The following BMPR1A variants were observed in gnomAD, a reference collection of about 807,000 sequenced individuals.
BMPR1A encodes the protein bone morphogenetic protein receptor type 1A, also known as bone morphogenetic protein receptor type-1A.
In BMPR1A, 7 loss-of-function variants were observed where a neutral mutation model predicts 66.0. The ratio of observed to expected loss-of-function variants is 0.11; its 90% confidence interval spans 0.06 to 0.20. The LOEUF (loss-of-function observed/expected upper bound fraction) is 0.20, where lower values mean the gene tolerates loss of function less well. Among genes scored for constraint, BMPR1A ranks in the 10% least tolerant of loss-of-function variants. The pLI, the probability that BMPR1A is intolerant of heterozygous loss-of-function variation, is 1.00. For missense variants in BMPR1A, 408 were observed against 669.1 expected, an observed-to-expected ratio of 0.61 and a Z score of 4.31; for synonymous variants, 200 against 229.7, an observed-to-expected ratio of 0.87 and a Z score of 1.17.
intron 1 of BMPR1A, among the ~76,000 whole-genome samples, chr10:86,829,133 T>G (rs1481500483): frequency 6.6e-6 from 1 of 152,162 alleles, no homozygotes; most frequent in Non-Finnish European, 1.5e-5. Context: ...GGACTGCTGT[T>G]TTGTTTCTAG....
chr10:86,872,121 A>G (rs945834912), intron 2 of BMPR1A, among the ~76,000 whole-genome samples: 3 of 152,216 alleles, frequency 2.0e-5, no homozygotes, highest in African/African-American at 7.2e-5. Context: ...GCTCGTAGTC[A>G]GGGAAGATTT....
At chr10:86,786,128 G>A (rs895556904) in intron 1 of BMPR1A, among the ~76,000 whole-genome samples, 1 of 151,978 alleles carries the variant, frequency 6.6e-6, no homozygotes, top group African/African-American at 2.4e-5. Flanking sequence ...CAATTATTAC[G>A]GAATGAACTG....
intron 7 of BMPR1A, among the ~76,000 whole-genome samples, chr10:86,911,387 T>C (rs1843482387): frequency 6.6e-6 from 1 of 152,154 alleles, no homozygotes; most frequent in South Asian, 2.1e-4. Context: ...GATTATATAA[T>C]GAACGCCTAC....
intron 7 of BMPR1A, among the ~76,000 whole-genome samples, chr10:86,908,607 G>A (rs1158670053): frequency 6.6e-6 from 1 of 152,206 alleles, no homozygotes; most frequent in Non-Finnish European, 1.5e-5. Context: ...CTCCCCTGTA[G>A]CTTTCAGCTC....
In BMPR1A at chr10:86,917,131, A is replaced by C. The variant is rs587782760; in HGVS notation, c.676-3A>C. The C allele has an allele frequency of 8.0e-5, 129 of 1,613,784 alleles. No individual in the cohort carries two copies. The highest frequency in any genetic ancestry group is 1.1e-4 in the Non-Finnish European group (126 of 1,179,896). The stretch of plus-strand genomic sequence containing the variant: ...CTCAAACCTTTTACTTTTTTCTATA[A>C]AGGTTCAGCGAACTATTGCCAAACA... On this transcript the variant is annotated splice_region_variant and splice_polypyrimidine_tract_variant and intron_variant, in intron 8 of 12. Transcript: ENST00000372037.
intron 5 of BMPR1A, among the ~76,000 whole-genome samples, chr10:86,897,781 A>T (rs992028398): frequency 3.9e-5 from 6 of 152,002 alleles, no homozygotes; most frequent in African/African-American, 7.2e-5. Flanking sequence ...TGATTTAAAA[A>T]TTTTTTTAGA....
intron 3 of BMPR1A, chr10:86,889,782 T>C (rs1843121131): frequency 2.8e-6 from 1 of 355,376 alleles, no homozygotes. Context: ...AAAAACAAGA[T>C]TTGACTGTAT....
intron 1 of BMPR1A, among the ~76,000 whole-genome samples, chr10:86,767,835 A>G (rs1000626198): frequency 2.0e-5 from 3 of 152,158 alleles, no homozygotes; most frequent in African/African-American, 7.2e-5. Flanking sequence ...TTTTGCAAGC[A>G]GGGAAGATGG....
At chr10:86,800,590 A>G (rs1383550002) in intron 1 of BMPR1A, among the ~76,000 whole-genome samples, 1 of 152,004 alleles carries the variant, frequency 6.6e-6, no homozygotes, top group Non-Finnish European at 1.5e-5. Flanking sequence ...ACGGGATTTC[A>G]CCATGTTGGC....
At chr10:86,793,589 A>G (rs1841662881) in intron 1 of BMPR1A, among the ~76,000 whole-genome samples, 1 of 152,000 alleles carries the variant, frequency 6.6e-6, no homozygotes, top group Non-Finnish European at 1.5e-5. Flanking sequence ...GTCTCAGGTG[A>G]TCTGCCTGCC....
At chr10:86,848,843 C>T (rs1356019365) in intron 2 of BMPR1A, among the ~76,000 whole-genome samples, 2 of 152,212 alleles carry the variant, frequency 1.3e-5, no homozygotes, top group Admixed American at 6.5e-5. Flanking sequence ...CCTATGACAA[C>T]TGCATCTCTG....
At chr10:86,757,667 T>G (rs1016969930) in intron 1 of BMPR1A, among the ~76,000 whole-genome samples, 1 of 152,218 alleles carries the variant, frequency 6.6e-6, no homozygotes, top group African/African-American at 2.4e-5. Context: ...CTGCAGGTTT[T>G]CTCTTTTAAG....
rs1427176869 is a variant in BMPR1A, at chr10:86,861,223, A to ATATTTCATTCCCAAG, written c.-152-14643_-152-14629dup. Among the ~76,000 whole-genome samples the ATATTTCATTCCCAAG allele has an allele frequency of 2.0e-4, 30 of 152,348 alleles. No individual in the cohort carries two copies. The East Asian group carries it at 5.0e-3, about 25-fold the overall frequency. On this transcript the variant is annotated intron_variant, in intron 2 of 12. Coordinates refer to ENST00000372037, the MANE Select transcript of BMPR1A (RefSeq NM_004329.3). The stretch of plus-strand genomic sequence containing the variant: ...GCAGAATAAAGAAAATAAAGTACAG[A>ATATTTCATTCCCAAG]TATTTCATTCCCAAGGCGGGGAACT...
chr10:86,913,679 G>C (rs1053082641), intron 8 of BMPR1A, among the ~76,000 whole-genome samples: 1 of 152,056 alleles, frequency 6.6e-6, no homozygotes, highest in Non-Finnish European at 1.5e-5. Flanking sequence ...ATTTAAAATA[G>C]CATCAAAAAC....
At position 86,921,706 on chromosome 10, in the gene BMPR1A, G is replaced by A. The variant is rs548013712; in HGVS notation, c.1342+11G>A. On this transcript the variant is annotated intron_variant, in intron 11 of 12. Coordinates refer to ENST00000372037, the MANE Select transcript of BMPR1A (RefSeq NM_004329.3). ...GTTGTATCACAGGAGGTGGGAGTTT[G>A]AGTAGTTTCTGATTATGTTGATTTA... The A allele has an allele frequency of 6.8e-6, 11 of 1,614,140 alleles. No individual in the cohort carries two copies. In the South Asian group the frequency reaches 1.2e-4, roughly 18 times the overall value.
intron 10 of BMPR1A, 83 bp downstream of exon 10, chr10:86,919,552 T>G: frequency 1.3e-6 from 2 of 1,554,782 alleles, no homozygotes; most frequent in Non-Finnish European, 1.8e-6. Context: ...GATAATGGAA[T>G]TCTAAAAATG....
chr10:86,833,922 A>G (rs1309688264), intron 1 of BMPR1A, among the ~76,000 whole-genome samples: 1 of 152,214 alleles, frequency 6.6e-6, no homozygotes, highest in Non-Finnish European at 1.5e-5. Flanking sequence ...CAGGCATGAC[A>G]GCATCACCAA....
intron 5 of BMPR1A, 57 bp downstream of exon 5, chr10:86,892,286 C>A: frequency 1.4e-6 from 2 of 1,392,062 alleles, no homozygotes; most frequent in South Asian, 1.2e-5. Flanking sequence ...ATGAAAGCAT[C>A]GATTTCCCCC....
At chr10:86,811,150 T>G (rs1841964626) in intron 1 of BMPR1A, among the ~76,000 whole-genome samples, 1 of 152,208 alleles carries the variant, frequency 6.6e-6, no homozygotes, top group Admixed American at 6.5e-5. Context: ...GTGATTCTTC[T>G]GCCTCAGCCT....
Sources: allele counts gnomAD v4.1 joint callset (sites outside exome capture counted in the v4.1 genomes callset), GRCh38; gene constraint gnomAD v4.1.1; transcripts MANE v1.5; gene names NCBI Gene and HGNC (gene_info 2026-07-23, HGNC 2026-07-21).